The following GRID2 variants were observed in gnomAD, a reference collection of about 807,000 sequenced individuals.
GRID2 encodes glutamate receptor ionotropic, delta-2.
A neutral mutation model predicts 114.8 loss-of-function variants in GRID2; 33 were observed. The ratio of observed to expected loss-of-function variants is 0.29; its 90% CI spans 0.22 to 0.38. GRID2 has a LOEUF of 0.38. Among genes scored for constraint, GRID2 ranks in the 10% least tolerant of loss-of-function variants. The pLI is 1.00. For missense variants in GRID2, 1,184 were observed against 1,257.7 expected, an observed-to-expected ratio of 0.94 and a Z score of 0.89; for synonymous variants, 505 against 449.9, an observed-to-expected ratio of 1.12 and a Z score of -1.55.
chr4:93,721,801 T>G (rs1340441174), intron 14 of GRID2, among the ~76,000 whole-genome samples: 1 of 152,178 alleles, frequency 6.6e-6, no homozygotes, highest in East Asian at 1.9e-4. Context: ...GTTCAGAGAT[T>G]GTTTTATTTA....
At chr4:92,348,323 A>G (rs1008161666) in intron 1 of GRID2, among the ~76,000 whole-genome samples, 2 of 152,208 alleles carry the variant, frequency 1.3e-5, no homozygotes, top group Non-Finnish European at 2.9e-5. Context: ...TATAGATTTT[A>G]TATTTCCAAG....
At chr4:93,711,841 A>G (rs145372684) in intron 14 of GRID2, among the ~76,000 whole-genome samples, 8 of 152,274 alleles carry the variant, frequency 5.3e-5, no homozygotes, top group African/African-American at 9.6e-5. Flanking sequence ...CCTCGATACA[A>G]TGTTAAAATC....
At chr4:92,465,366 AT>A (rs1006855370) in intron 1 of GRID2, among the ~76,000 whole-genome samples, 2 of 152,226 alleles carry the variant, frequency 1.3e-5, no homozygotes, top group African/African-American at 4.8e-5. Context: ...ATTAGACACT[AT>A]TTGGAAATGG....
chr4:92,922,456 C>T (rs1048141315), intron 2 of GRID2, among the ~76,000 whole-genome samples: 1 of 152,128 alleles, frequency 6.6e-6, no homozygotes, highest in Non-Finnish European at 1.5e-5. Flanking sequence ...GAGCTGTAGA[C>T]TGGTGCTGTT....
intron 1 of GRID2, among the ~76,000 whole-genome samples, chr4:92,456,879 C>T (rs1398999287): frequency 1.3e-5 from 2 of 152,038 alleles, no homozygotes; most frequent in East Asian, 3.9e-4. Context: ...CTTAGACACA[C>T]GTGCATTTTT....
rs541490418 is a variant in GRID2, at chr4:92,678,746, G to T, written c.244+88460G>T. 4.6e-5 allele frequency among the ~76,000 whole-genome samples: 7 copies of T among 151,902 alleles called. No individual in the cohort carries two copies. In the South Asian group the frequency reaches 1.5e-3, roughly 32 times the overall value. On this transcript the variant is annotated intron_variant, in intron 2 of 15. Coordinates refer to ENST00000282020, the MANE Select transcript of GRID2 (RefSeq NM_001510.4). ...GTTATCAGAGAGTGTAAGCATTTAT[G>T]AAACGTTTGCTATGTATCGGATACT...
chr4:92,787,316 G>A (rs753732156), intron 2 of GRID2, among the ~76,000 whole-genome samples: 1 of 151,910 alleles, frequency 6.6e-6, no homozygotes, highest in Non-Finnish European at 1.5e-5. Flanking sequence ...AATGTTATGG[G>A]ATTTTAAAAT....
At chr4:92,969,214 T>C (rs906296291) in intron 2 of GRID2, among the ~76,000 whole-genome samples, 4 of 151,384 alleles carry the variant, frequency 2.6e-5, no homozygotes, top group African/African-American at 7.3e-5. Context: ...TAGGACTAGA[T>C]AGAGATGGAT....
intron 8 of GRID2, among the ~76,000 whole-genome samples, chr4:93,341,961 C>T (rs952403598): frequency 6.6e-6 from 1 of 152,106 alleles, no homozygotes; most frequent in Non-Finnish European, 1.5e-5. Flanking sequence ...TTATCCAGAT[C>T]TACTCTCTTA....
chr4:93,403,125 C>T (rs902772309), intron 9 of GRID2, among the ~76,000 whole-genome samples: 12 of 152,218 alleles, frequency 7.9e-5, no homozygotes, highest in African/African-American at 2.4e-4. Flanking sequence ...CAATGTCTTA[C>T]GAGGGCTCCT....
chr4:93,681,926 G>T (rs62319369), intron 14 of GRID2, among the ~76,000 whole-genome samples: 1 of 149,676 alleles, frequency 6.7e-6, no homozygotes, highest in Non-Finnish European at 1.5e-5. Context: ...CAAAATTGAC[G>T]AATGGGATCT....
intron 2 of GRID2, among the ~76,000 whole-genome samples, chr4:93,000,735 A>G (rs1720881936): frequency 6.7e-6 from 1 of 150,272 alleles, no homozygotes; most frequent in African/African-American, 2.4e-5. Flanking sequence ...TTTATTTTTT[A>G]TCAATTAAAT....
In GRID2 at chr4:93,610,838, T is replaced by G. The variant is rs987944549; in HGVS notation, c.2194-15431T>G. ...ATGATGCTGGCCTCATAAAATGAGT[T>G]AGGGAGGATTCCCTCTTTTTCTATT... is the stretch of plus-strand genomic sequence containing the variant. On this transcript the variant is annotated intron_variant, in intron 13 of 15. Coordinates refer to ENST00000282020, the MANE Select transcript of GRID2 (RefSeq NM_001510.4). Among the ~76,000 whole-genome samples the G allele has an allele frequency of 2.2e-4, 28 of 128,656 alleles. No individual in the cohort carries two copies. In the East Asian group the frequency reaches 6.2e-3, roughly 28 times the overall value. The allele number at this position is 128,656 out of a possible 152,430, so 84.4% of individuals were successfully genotyped here. A position where few individuals can be genotyped will look rare whatever the true frequency, so the allele number is the denominator to read the frequency against.
At chr4:92,822,476 C>A in intron 2 of GRID2, 1 of 449,038 alleles carries the variant, frequency 2.2e-6, no homozygotes, top group East Asian at 5.4e-5. Context: ...ACATAAGACA[C>A]CTACTCTGAG....
chr4:93,385,071 C>T (rs1349725963), intron 8 of GRID2, among the ~76,000 whole-genome samples: 1 of 152,166 alleles, frequency 6.6e-6, no homozygotes, highest in Non-Finnish European at 1.5e-5. Flanking sequence ...TAAAAATACT[C>T]AGAGGCATAC....
intron 2 of GRID2, among the ~76,000 whole-genome samples, chr4:92,622,645 T>G (rs917190589): frequency 2.0e-5 from 3 of 151,754 alleles, no homozygotes; most frequent in African/African-American, 7.2e-5. Context: ...ATTTATCAGA[T>G]AGCATTGATA....
At position 93,358,451 on chromosome 4, in the gene GRID2, A is replaced by AT. The variant is rs1247710140; in HGVS notation, c.1246-37155dup. On this transcript the variant is annotated intron_variant, in intron 8 of 15. Coordinates refer to ENST00000282020, the MANE Select transcript of GRID2 (RefSeq NM_001510.4). ...TTGTATATACCAAAGAGAACATAGCATATTGGTAAGCATCCATGGAACATT... is the reference window on the plus strand; with the variant it reads ...TTGTATATACCAAAGAGAACATAGCATTATTGGTAAGCATCCATGGAACATT... 4.6e-5 allele frequency among the ~76,000 whole-genome samples: 7 copies of AT among 152,060 alleles called. No homozygotes were observed. In the East Asian group the frequency reaches 1.4e-3, roughly 29 times the overall value.
intron 2 of GRID2, among the ~76,000 whole-genome samples, chr4:92,837,294 G>A (rs780426572): frequency 1.3e-4 from 19 of 151,818 alleles, no homozygotes; most frequent in Non-Finnish European, 2.4e-4. Flanking sequence ...CCTGAGAAAG[G>A]AACTCAAACA....
chr4:92,602,441 AAAGAC>A (rs1282583761), intron 2 of GRID2, among the ~76,000 whole-genome samples: 1 of 152,146 alleles, frequency 6.6e-6, no homozygotes, highest in Non-Finnish European at 1.5e-5. Context: ...AAACAGAACT[AAAGAC>A]AAAAACCACA....
Sources: allele counts gnomAD v4.1 joint callset (sites outside exome capture counted in the v4.1 genomes callset), GRCh38; gene constraint gnomAD v4.1.1; transcripts MANE v1.5; gene names NCBI Gene and HGNC (gene_info 2026-07-23, HGNC 2026-07-21).